CNTN5: variants seen among roughly 807,000 people sequenced by gnomAD.
The protein encoded by CNTN5 is contactin-5.
Under a neutral mutation model 129.1 loss-of-function variants are expected in CNTN5, and 77 were observed. The observed-to-expected ratio is 0.60, with a 90% CI of 0.50 to 0.72. The LOEUF is 0.72. CNTN5 is among the 30% of genes least tolerant of loss of function. The probability of loss-of-function intolerance (pLI) is 0.00; values close to 1 mark genes in which losing one functional copy is unlikely to be tolerated. For synonymous variants in CNTN5, 509 were observed against 465.6 expected (o/e 1.09, Z -1.20); for missense variants, 1,478 against 1,328.8 (o/e 1.11, Z -1.75).
chr11:99,063,933 A>G (rs913383604), intron 1 of CNTN5, among the ~76,000 whole-genome samples: 2 of 152,098 alleles, frequency 1.3e-5, no homozygotes, highest in Non-Finnish European at 2.9e-5. Context: ...GTTTTTACCT[A>G]TTCAACTCTC....
intron 1 of CNTN5, among the ~76,000 whole-genome samples, chr11:99,153,481 A>T (rs1434609228): frequency 2.1e-5 from 3 of 145,330 alleles, no homozygotes; most frequent in Admixed American, 1.4e-4. Context: ...CAGCTCTATC[A>T]GATCAGGTTT....
intron 3 of CNTN5, among the ~76,000 whole-genome samples, chr11:99,660,940 G>A (rs994994715): frequency 6.6e-6 from 1 of 151,928 alleles, no homozygotes; most frequent in Non-Finnish European, 1.5e-5. Flanking sequence ...CAGGAGGGTT[G>A]AAAATCACTT....
At chr11:99,354,422 TTC>T (rs1245576659) in intron 2 of CNTN5, among the ~76,000 whole-genome samples, 1 of 152,150 alleles carries the variant, frequency 6.6e-6, no homozygotes, top group Non-Finnish European at 1.5e-5. Context: ...TTTGAAGAAG[TTC>T]TTTAAGTCCA....
intron 13 of CNTN5, among the ~76,000 whole-genome samples, chr11:100,172,230 G>A (rs533975833): frequency 2.0e-5 from 3 of 151,698 alleles, no homozygotes; most frequent in Admixed American, 2.0e-4. Context: ...CCCAACTGTA[G>A]TTAGATAGCC....
chr11:100,034,053 C>A (rs1378085797), intron 9 of CNTN5, among the ~76,000 whole-genome samples: 1 of 152,170 alleles, frequency 6.6e-6, no homozygotes, highest in Non-Finnish European at 1.5e-5. Context: ...TACTCTCTTA[C>A]TGTTAACCAT....
Position 99,443,623 on chromosome 11 carries a change from G to A in CNTN5, c.-70-112522G>A, listed in dbSNP as rs187775091. 5.4e-4 allele frequency among the ~76,000 whole-genome samples: 82 copies of A among 152,284 alleles called. 1 individual carries two copies. The East Asian group carries it at 0.015, about 28-fold the overall frequency. On this transcript the variant is annotated intron_variant, in intron 2 of 24. Coordinates refer to ENST00000524871, the MANE Select transcript of CNTN5 (RefSeq NM_014361.4). ...GCTCAAATAGAAATTTGCTCTGTTA[G>A]AGTATACGACTGCTTGTGCATGCAG...
chr11:99,660,410 G>A (rs1952552438), intron 3 of CNTN5, among the ~76,000 whole-genome samples: 1 of 152,082 alleles, frequency 6.6e-6, no homozygotes, highest in Non-Finnish European at 1.5e-5. Context: ...CTATATTGTG[G>A]TGATGGTTTC....
In CNTN5 at chr11:100,194,799, A is replaced by G. The variant is rs150199121; in HGVS notation, c.1884+1136A>G. On this transcript the variant is annotated intron_variant, in intron 15 of 24. Transcript: ENST00000524871. The stretch of plus-strand genomic sequence containing the variant: ...TCACCTTAGAATTTGGTAAATGTAT[A>G]TTAGTGGAAGAGTAAAGATGAGCTC... Among the ~76,000 whole-genome samples the G allele has an allele frequency of 5.0e-3, 764 of 151,958 alleles. 5 individuals carry two copies. In the Middle Eastern group the frequency reaches 0.061, roughly 12 times the overall value.
chr11:99,870,518 C>T (rs765919296), intron 6 of CNTN5, among the ~76,000 whole-genome samples: 3 of 152,010 alleles, frequency 2.0e-5, no homozygotes, highest in Non-Finnish European at 2.9e-5. Flanking sequence ...AACATAATGA[C>T]AAGGTCACAA....
chr11:99,919,511 T>C (rs893716826), intron 7 of CNTN5, among the ~76,000 whole-genome samples: 2 of 152,164 alleles, frequency 1.3e-5, no homozygotes, highest in African/African-American at 2.4e-5. Flanking sequence ...ATATACTCTA[T>C]CCAATTCTAT....
At chr11:99,820,004 T>C (rs182982290) in intron 4 of CNTN5, among the ~76,000 whole-genome samples, 7 of 152,286 alleles carry the variant, frequency 4.6e-5, no homozygotes, top group Admixed American at 4.6e-4. Context: ...TTGGTGCTTG[T>C]TGAAGTTAGG....
At chr11:100,116,909 G>T (rs1945858509) in intron 13 of CNTN5, among the ~76,000 whole-genome samples, 1 of 151,930 alleles carries the variant, frequency 6.6e-6, no homozygotes, top group Non-Finnish European at 1.5e-5. Flanking sequence ...GCTCTTTTGG[G>T]ATAATAGTGC....
rs374717887 is a variant in CNTN5 at position 99,755,756 on chromosome 11, A to G, written c.56-63788A>G. Among the ~76,000 whole-genome samples, 8 of 152,132 alleles carry G rather than the reference A, an allele frequency of 5.3e-5. No individual in the cohort carries two copies. The East Asian group carries it at 9.7e-4, about 18-fold the overall frequency. Reference sequence around the variant, plus strand: ...CTGTAATGGGAATTAGAGACCCTGAAAGAAGTTTAATAGATTACTTCTAAG... The same window carrying G: ...CTGTAATGGGAATTAGAGACCCTGAGAGAAGTTTAATAGATTACTTCTAAG... On this transcript the variant is annotated intron_variant, in intron 3 of 24. Coordinates refer to ENST00000524871, the MANE Select transcript of CNTN5 (RefSeq NM_014361.4).
Position 100,036,400 on chromosome 11 carries a change from G to A in CNTN5, c.981-24812G>A, listed in dbSNP as rs189736871. ...GTAGTATATTTTGAAGTCAGGTAGCGTGATGCCTCCAGCTTTGTTCTTTTG... is the reference window on the plus strand; with the variant it reads ...GTAGTATATTTTGAAGTCAGGTAGCATGATGCCTCCAGCTTTGTTCTTTTG... On this transcript the variant is annotated intron_variant, in intron 9 of 24. Transcript: ENST00000524871. 2.1e-3 allele frequency among the ~76,000 whole-genome samples: 321 copies of A among 151,482 alleles called. 3 individuals carry two copies. The highest frequency in any genetic ancestry group is 6.8e-3 in the African/African-American group (283 of 41,326).
At chr11:99,159,393 C>G (rs915595048) in intron 1 of CNTN5, among the ~76,000 whole-genome samples, 42 of 152,248 alleles carry the variant, frequency 2.8e-4, no homozygotes, top group Non-Finnish European at 4.9e-4. Context: ...GAGGCTGAGG[C>G]GGAAGGATCA....
chr11:99,414,647 C>T (rs887769360), intron 2 of CNTN5, among the ~76,000 whole-genome samples: 2 of 152,002 alleles, frequency 1.3e-5, no homozygotes, highest in Non-Finnish European at 2.9e-5. Context: ...GAGAAGTTCT[C>T]TCTGTTAAAA....
intron 2 of CNTN5, among the ~76,000 whole-genome samples, chr11:99,536,027 C>T (rs1947887805): frequency 2.0e-5 from 3 of 152,058 alleles, no homozygotes; most frequent in South Asian, 4.1e-4. Flanking sequence ...TTTAATAGGT[C>T]AGATGATATG....
intron 1 of CNTN5, among the ~76,000 whole-genome samples, chr11:99,194,973 G>A (rs1858829031): frequency 6.6e-6 from 1 of 152,078 alleles, no homozygotes; most frequent in African/African-American, 2.4e-5. Context: ...TCACGAACAC[G>A]AAGTCAAGTG....
chr11:99,505,653 G>A (rs1220032551), intron 2 of CNTN5, among the ~76,000 whole-genome samples: 1 of 152,116 alleles, frequency 6.6e-6, no homozygotes, highest in East Asian at 1.9e-4. Flanking sequence ...CGTAAGGCTT[G>A]GATGCTGGAA....
Sources: gnomAD v4.1 joint callset for allele counts (sites outside exome capture counted in the v4.1 genomes callset) on GRCh38, gnomAD v4.1.1 for gene constraint, MANE v1.5 for transcripts, NCBI Gene and HGNC (gene_info 2026-07-23, HGNC 2026-07-21) for gene names.